CYP3A5: variants seen among roughly 807,000 people sequenced by gnomAD.
The protein encoded by CYP3A5 is cytochrome P450 family 3 subfamily A member 5, also known as cytochrome P450 3A5.
In CYP3A5, 51 loss-of-function variants were observed where a neutral mutation model predicts 55.9. The ratio of observed to expected loss-of-function variants is 0.91; its 90% CI spans 0.73 to 1.15. The LOEUF (loss-of-function observed/expected upper bound fraction) is 1.15. Among genes scored for constraint, CYP3A5 ranks in the 50% most tolerant of loss-of-function variants. CYP3A5 has a pLI of 0.00. For missense variants in CYP3A5, 533 were observed against 596.6 expected (o/e 0.89, Z 1.11); for synonymous variants, 196 against 213.9 (o/e 0.92, Z 0.73).
intron 4 of CYP3A5, among the ~76,000 whole-genome samples, chr7:99,669,168 A>C (rs1811330787): frequency 6.6e-6 from 1 of 152,242 alleles, no homozygotes; most frequent in South Asian, 2.1e-4. Flanking sequence ...TTGTTCAATG[A>C]AAAGTGGACA....
Position 99,652,766 on chromosome 7 carries a change from T to G in CYP3A5, c.1040A>C (p.Tyr347Ser), listed in dbSNP as rs1363320186. 6.2e-7 allele frequency: 1 copy of G among 1,612,846 alleles called. No homozygotes were observed. The highest frequency in any genetic ancestry group is 8.5e-7 in the Non-Finnish European group (1 of 1,179,748). The stretch of plus-strand genomic sequence containing the variant: ...GTACTCCATCTGTACCACGGCATCA[T>G]AGGTAGGTGGTGCCTGGAAGGAAAG... ...AVLPNKAPPT[Y>S]DAVVQMEYLD... The change falls in exon 11 of 13, where the codon TAT (tyrosine) becomes TCT (serine). Residue 347 changes from tyrosine (Y) to serine (S), a missense_variant. Physicochemically the swap from Tyr to Ser is moderately radical, Grantham distance 144. Transcript: ENST00000222982.
chr7:99,666,602 C>G lies in CYP3A5; in HGVS notation c.520G>C (p.Asp174His). 6.2e-7 allele frequency: 1 copy of G among 1,613,712 alleles called. No individual in the cohort carries two copies. Among genetic ancestry groups the G allele is most frequent in the South Asian group, 1.1e-5 (1 of 91,076 alleles). The change falls in exon 6 of 13, where the codon GAC (aspartate) becomes CAC (histidine). Residue 174 changes from aspartate to histidine, a missense_variant and splice_region_variant. Transcript: ENST00000222982. Reference protein sequence around the residue: ...AEKGKPVTLKDIFGAYSMDVI... With the variant: ...AEKGKPVTLKHIFGAYSMDVI... Reference sequence around the variant, plus strand: ...CCCCATGGCTGTGCTCCTACTTACTCTTTCAAGGTGACAGGCTTGCCTTTC... The same window carrying G: ...CCCCATGGCTGTGCTCCTACTTACTGTTTCAAGGTGACAGGCTTGCCTTTC...
chr7:99,654,736 C>T (rs1434007954), intron 10 of CYP3A5, among the ~76,000 whole-genome samples: 1 of 152,238 alleles, frequency 6.6e-6, no homozygotes. Flanking sequence ...ACATCCTCTC[C>T]AGCACCTGTT....
intron 10 of CYP3A5, among the ~76,000 whole-genome samples, chr7:99,654,205 A>G (rs549554096): frequency 6.6e-6 from 1 of 152,194 alleles, no homozygotes; most frequent in African/African-American, 2.4e-5. Context: ...AACATTCGGT[A>G]TATCTCCTAA....
intron 8 of CYP3A5, 27 bp downstream of exon 8, chr7:99,663,941 C>A: frequency 6.4e-7 from 1 of 1,560,226 alleles, no homozygotes; most frequent in Non-Finnish European, 8.6e-7. Context: ...ACCTAAACAT[C>A]GTCATTTAAC....
intron 4 of CYP3A5, among the ~76,000 whole-genome samples, chr7:99,669,551 A>G (rs374440635): frequency 1.3e-5 from 2 of 152,334 alleles, no homozygotes; most frequent in African/African-American, 4.8e-5. Context: ...TTGTCTCACC[A>G]GACTATAGCC....
rs2151409215 is a variant in CYP3A5 at position 99,662,697 on chromosome 7, G to A, written c.865+119C>T. On this transcript the variant is annotated intron_variant, in intron 9 of 12. Coordinates refer to ENST00000222982, the MANE Select transcript of CYP3A5 (RefSeq NM_000777.5). The surrounding 1 kb of genome is among the most constrained non-coding windows in gnomAD (Gnocchi z 4.3). ...TACCATTTATAACATCTAAATGTGT[G>A]TTGTTCTGCTATGTGGCAAAAATTC... The A allele has an allele frequency of 4.3e-6, 4 of 923,296 alleles. No homozygotes were observed. The highest frequency in any genetic ancestry group is 3.0e-5 in the South Asian group (2 of 67,530). The allele number at this position is 923,296 out of a possible 1,614,324, so 57.2% of individuals were successfully genotyped here. A position where few individuals can be genotyped will look rare whatever the true frequency, so the allele number is the denominator to read the frequency against.
Position 99,662,942 on chromosome 7 carries a change from C to T in CYP3A5, c.799-60G>A, listed in dbSNP as rs974861077. The T allele has an allele frequency of 2.5e-6, 4 of 1,605,776 alleles. No individual in the cohort carries two copies. In the African/African-American group the frequency reaches 5.4e-5, roughly 21 times the overall value. ...GTGACTCGTGAAGTCAGAAGTAAAT[C>T]AAAAGTGCAGTCCTCAACCTCCCTT... On this transcript the variant is annotated intron_variant, in intron 8 of 12. Transcript: ENST00000222982. The surrounding 1 kb of genome is among the most constrained non-coding windows in gnomAD (Gnocchi z 4.3).
At position 99,676,095 on chromosome 7, in the gene CYP3A5, A is replaced by G. The variant is rs369481094; in HGVS notation, c.165+20T>C. ...TGTTTGCAACCATAAGAAGCAAAAG[A>G]GGAAGCTCAAGCAACTCACCTGACG... On this transcript the variant is annotated intron_variant, in intron 2 of 12. Coordinates refer to ENST00000222982, the MANE Select transcript of CYP3A5 (RefSeq NM_000777.5). 1.2e-6 allele frequency: 2 copies of G among 1,605,930 alleles called. No individual in the cohort carries two copies. The highest frequency in any genetic ancestry group is 1.7e-6 in the Non-Finnish European group (2 of 1,172,930).
At chr7:99,666,307 C>T (rs1811013044) in intron 6 of CYP3A5, among the ~76,000 whole-genome samples, 1 of 152,168 alleles carries the variant, frequency 6.6e-6, no homozygotes, top group South Asian at 2.1e-4. Flanking sequence ...AACTTTGATA[C>T]AATCATGTTT....
chr7:99,666,612 G>A lies in CYP3A5; in HGVS notation c.510C>T (p.Val170=), dbSNP rs770616349. The A allele has an allele frequency of 6.2e-7, 1 of 1,613,770 alleles. No homozygotes were observed. The highest frequency in any genetic ancestry group is 8.5e-7 in the Non-Finnish European group (1 of 1,179,794). The change falls in exon 6 of 13, where the codon GTC becomes GTT. Residue 170 remains valine (V), a synonymous_variant. Coordinates refer to ENST00000222982, the MANE Select transcript of CYP3A5 (RefSeq NM_000777.5). ...LRREAEKGKP[V]TLKDIFGAYS... ...GTGCTCCTACTTACTCTTTCAAGGT[G>A]ACAGGCTTGCCTTTCTCTGCTTCCC...
At chr7:99,676,444 C>T in intron 1 of CYP3A5, 1 of 1,460,840 alleles carries the variant, frequency 6.8e-7, no homozygotes, top group Non-Finnish European at 9.2e-7. Context: ...TTCATAGTCC[C>T]AATCCTGGAG....
chr7:99,658,181 G>C (rs966237489), intron 10 of CYP3A5, among the ~76,000 whole-genome samples: 3 of 152,100 alleles, frequency 2.0e-5, no homozygotes, highest in East Asian at 3.9e-4. Context: ...TAGCCTCGAT[G>C]GTCTTTACAA....
intron 3 of CYP3A5, chr7:99,672,970 A>T: frequency 2.8e-6 from 3 of 1,069,036 alleles, no homozygotes; most frequent in Non-Finnish European, 3.5e-6. Flanking sequence ...ACAGTAGAGC[A>T]TTCGTTAAGC....
chr7:99,676,675 G>A, intron 1 of CYP3A5: 1 of 646,466 alleles, frequency 1.5e-6, no homozygotes, highest in South Asian at 1.4e-5. Flanking sequence ...GGGAGCCTAT[G>A]GTGACACTGC....
intron 10 of CYP3A5, among the ~76,000 whole-genome samples, chr7:99,658,520 TC>T (rs1810025912): frequency 6.6e-6 from 1 of 152,120 alleles, no homozygotes; most frequent in South Asian, 2.1e-4. Flanking sequence ...TAACATTTTT[TC>T]CTTCATTTCA....
chr7:99,679,939 T>C lies in CYP3A5; in HGVS notation c.-43A>G, dbSNP rs1812677773. On this transcript the variant is annotated 5_prime_UTR_variant, in exon 1 of 13. Coordinates refer to ENST00000222982, the MANE Select transcript of CYP3A5 (RefSeq NM_000777.5). Reference sequence around the variant, plus strand: ...AACTGTGTTCTGTGAGTCTTCCTTTTAGCTGAGTGCTGCTGTTTGCTGGGC... The same window carrying C: ...AACTGTGTTCTGTGAGTCTTCCTTTCAGCTGAGTGCTGCTGTTTGCTGGGC... The C allele has an allele frequency of 6.4e-6, 10 of 1,557,274 alleles. No homozygotes were observed. The highest frequency in any genetic ancestry group is 2.7e-5 in the African/African-American group (2 of 73,780).
At chr7:99,661,470 C>CTG (rs1194953517) in intron 9 of CYP3A5, among the ~76,000 whole-genome samples, 3 of 152,220 alleles carry the variant, frequency 2.0e-5, no homozygotes. Context: ...TGGTGATTGA[C>CTG]TGTAGTCTGA....
intron 10 of CYP3A5, among the ~76,000 whole-genome samples, chr7:99,658,220 C>G (rs530683018): frequency 2.4e-4 from 37 of 152,204 alleles, no homozygotes; most frequent in Non-Finnish European, 3.8e-4. Flanking sequence ...TGGCTGGTAC[C>G]AGTTGTTCCT....
Sources: allele counts gnomAD v4.1 joint callset (sites outside exome capture counted in the v4.1 genomes callset), GRCh38; gene constraint gnomAD v4.1.1; non-coding constraint Gnocchi (gnomAD v3.1); transcripts MANE v1.5; gene names NCBI Gene and HGNC (gene_info 2026-07-23, HGNC 2026-07-21).